The following FGD5 variants were observed in gnomAD, a reference collection of about 807,000 sequenced individuals.
FGD5 encodes FYVE, RhoGEF and PH domain containing 5.
A neutral mutation model predicts 133.4 loss-of-function variants in FGD5; 28 were observed. The observed-to-expected ratio is 0.21, with a 90% confidence interval of 0.16 to 0.29. FGD5 has a LOEUF of 0.29. FGD5 is among the 10% of genes least tolerant of loss of function. The pLI is 1.00. For missense variants in FGD5, 1,858 were observed against 1,895.2 expected, an observed-to-expected ratio of 0.98 and a Z score of 0.36; for synonymous variants, 810 against 776.5, an observed-to-expected ratio of 1.04 and a Z score of -0.72.
intron 1 of FGD5, among the ~76,000 whole-genome samples, chr3:14,859,883 C>T (rs1575213574): frequency 1.2e-5 from 1 of 86,534 alleles, no homozygotes; most frequent in Non-Finnish European, 2.3e-5. Context: ...TCGAACCACT[C>T]CCCCCCCAAA....
Position 14,900,986 on chromosome 3 carries a change from T to A in FGD5, c.3206-17T>A. The A allele has an allele frequency of 6.2e-7, 1 of 1,614,004 alleles. No homozygotes were observed. Among genetic ancestry groups the A allele is most frequent in the South Asian group, 1.1e-5 (1 of 91,086 alleles). ...CCTCTTGCAATGGCCCAACTCCTGC[T>A]CTGTGTCCCTCCCCAGGTGCACTGA... On this transcript the variant is annotated splice_polypyrimidine_tract_variant and intron_variant, in intron 8 of 19. Transcript: ENST00000285046.
intron 5 of FGD5, 64 bp downstream of exon 5, chr3:14,897,733 A>G: frequency 2.0e-6 from 3 of 1,513,140 alleles, no homozygotes; most frequent in Non-Finnish European, 2.7e-6. Context: ...GACGGATAAA[A>G]ACACCACCAT....
chr3:14,840,229 C>T (rs1233436529), intron 1 of FGD5, among the ~76,000 whole-genome samples: 1 of 152,002 alleles, frequency 6.6e-6, no homozygotes, highest in Non-Finnish European at 1.5e-5. Flanking sequence ...ACTGCAACCT[C>T]CATCTCCTGG....
At chr3:14,870,145 G>A (rs529238423) in intron 2 of FGD5, among the ~76,000 whole-genome samples, 1 of 13,662 alleles carries the variant, frequency 7.3e-5, no homozygotes, top group South Asian at 2.9e-3. Flanking sequence ...GAGGGAGCCC[G>A]AATGGCATGA....
At chr3:14,875,130 C>T (rs551882426) in intron 2 of FGD5, among the ~76,000 whole-genome samples, 58 of 152,310 alleles carry the variant, frequency 3.8e-4, no homozygotes, top group African/African-American at 1.0e-3. Flanking sequence ...AGACTGTGTT[C>T]TCCTGGAGCC....
intron 1 of FGD5, among the ~76,000 whole-genome samples, chr3:14,832,825 A>G (rs969112011): frequency 3.6e-4 from 55 of 152,142 alleles, no homozygotes; most frequent in African/African-American, 1.3e-3. Context: ...GCCTACAGAG[A>G]CTGTCCATTT....
chr3:14,886,145 A>G (rs1158851306), intron 4 of FGD5, among the ~76,000 whole-genome samples: 1 of 152,248 alleles, frequency 6.6e-6, no homozygotes, highest in Non-Finnish European at 1.5e-5. Flanking sequence ...TTTCTCATGA[A>G]CACAGGTTGG....
At chr3:14,907,373 G>T (rs1357142821) in intron 9 of FGD5, among the ~76,000 whole-genome samples, 1 of 152,182 alleles carries the variant, frequency 6.6e-6, no homozygotes, top group Non-Finnish European at 1.5e-5. Context: ...AGAGAGCGTA[G>T]GAGCAGTTGT....
At chr3:14,873,645 G>A (rs1001037649) in intron 2 of FGD5, among the ~76,000 whole-genome samples, 1 of 152,134 alleles carries the variant, frequency 6.6e-6, no homozygotes, top group Non-Finnish European at 1.5e-5. Flanking sequence ...GATTCCAGAA[G>A]GTGAGAGAGC....
intron 4 of FGD5, among the ~76,000 whole-genome samples, chr3:14,886,400 G>A (rs570342295): frequency 1.2e-4 from 19 of 152,302 alleles, no homozygotes; most frequent in African/African-American, 3.8e-4. Context: ...CACGCACCCC[G>A]GGAAGCTCTT....
chr3:14,837,083 A>G (rs1172952762), intron 1 of FGD5, among the ~76,000 whole-genome samples: 6 of 152,150 alleles, frequency 3.9e-5, no homozygotes, highest in South Asian at 2.1e-4. Flanking sequence ...TGAGAGTTCA[A>G]GCCCCAAGCT....
At position 14,900,465 on chromosome 3, in the gene FGD5, G is replaced by A. The variant is rs768470685; in HGVS notation, c.3205+12G>A. 33 of 1,612,450 alleles carry A rather than the reference G, an allele frequency of 2.0e-5. No homozygotes were observed. Among genetic ancestry groups the A allele is most frequent in the African/African-American group, 4.0e-5 (3 of 74,894 alleles). On this transcript the variant is annotated intron_variant, in intron 8 of 19. Transcript: ENST00000285046. Reference sequence around the variant, plus strand: ...CGACAACACACAGGGTGAGTCCAGCGTGAATGCGGAGGGAGGTACTCAAGC... The same window carrying A: ...CGACAACACACAGGGTGAGTCCAGCATGAATGCGGAGGGAGGTACTCAAGC...
At chr3:14,859,815 G>C (rs989283879) in intron 1 of FGD5, among the ~76,000 whole-genome samples, 1 of 152,142 alleles carries the variant, frequency 6.6e-6, no homozygotes, top group African/African-American at 2.4e-5. Flanking sequence ...AGTGATATCT[G>C]AATTTGGTTC....
At chr3:14,919,714 C>G (rs556797419) in intron 13 of FGD5, among the ~76,000 whole-genome samples, 2 of 152,200 alleles carry the variant, frequency 1.3e-5, no homozygotes, top group South Asian at 4.1e-4. Flanking sequence ...AGTCCAAGGT[C>G]AAGGCACTGA....
intron 1 of FGD5, among the ~76,000 whole-genome samples, chr3:14,845,144 T>TA (rs563134262): frequency 1.6e-3 from 238 of 151,144 alleles, no homozygotes; most frequent in African/African-American, 4.6e-3. Context: ...CTGTACATGC[T>TA]AAAAAAAAAG....
intron 1 of FGD5, among the ~76,000 whole-genome samples, chr3:14,849,797 C>G (rs2037123321): frequency 6.6e-6 from 1 of 152,082 alleles, no homozygotes; most frequent in Admixed American, 6.5e-5. Context: ...GTGTTAATGT[C>G]TACAGGATAC....
rs201245272 is a variant in FGD5 at position 14,820,340 on chromosome 3, T to A, written c.1269T>A (p.Asp423Glu). 1.2e-4 allele frequency: 192 copies of A among 1,612,290 alleles called. 3 individuals carry two copies. The highest frequency in any genetic ancestry group is 1.2e-3 in the Middle Eastern group (7 of 6,078). Residue 423 changes from aspartate (D) to glutamate (E), a missense_variant, in exon 1 of 20, where the codon GAT (aspartate) becomes GAA (glutamate). Coordinates refer to ENST00000285046, the MANE Select transcript of FGD5 (RefSeq NM_152536.4). ...VVVVLEEEALDDALANPYVMG... is the reference protein window; with the variant it reads ...VVVVLEEEALEDALANPYVMG... Reference sequence around the variant, plus strand: ...TCGTGCTGGAGGAGGAGGCCTTGGATGATGCACTGGCCAACCCCTATGTGA... The same window carrying A: ...TCGTGCTGGAGGAGGAGGCCTTGGAAGATGCACTGGCCAACCCCTATGTGA...
At chr3:14,824,265 A>C (rs1451684973) in intron 1 of FGD5, among the ~76,000 whole-genome samples, 1 of 152,234 alleles carries the variant, frequency 6.6e-6, no homozygotes, top group Non-Finnish European at 1.5e-5. Context: ...TTTGAGACGC[A>C]TATCGCCAAG....
intron 4 of FGD5, chr3:14,897,232 CACA>C: frequency 2.5e-6 from 1 of 398,632 alleles, no homozygotes. Context: ...ACCACGTGGC[CACA>C]ACGAGAGGAG....
Sources: gnomAD v4.1 joint callset for allele counts (sites outside exome capture counted in the v4.1 genomes callset) on GRCh38, gnomAD v4.1.1 for gene constraint, MANE v1.5 for transcripts, NCBI Gene and HGNC (gene_info 2026-07-23, HGNC 2026-07-21) for gene names.